Variants in PACRG observed in about 807,000 individuals in gnomAD.
The protein encoded by PACRG is parkin coregulated gene protein.
In PACRG, 29 loss-of-function variants were observed where a neutral mutation model predicts 29.7. The ratio of observed to expected loss-of-function variants is 0.98; its 90% CI spans 0.73 to 1.33. The LOEUF (loss-of-function observed/expected upper bound fraction) is 1.33, where lower values mean the gene tolerates loss of function less well. Among genes scored for constraint, PACRG ranks in the 40% most tolerant of loss-of-function variants. The probability of loss-of-function intolerance (pLI) is 0.00; values close to 1 mark genes in which losing one functional copy is unlikely to be tolerated. For missense variants in PACRG, 279 were observed against 316.2 expected, an observed-to-expected ratio of 0.88 and a Z score of 0.89; for synonymous variants, 116 against 118.7, an observed-to-expected ratio of 0.98 and a Z score of 0.15.
chr6:163,016,585 T>G (rs1376795172), intron 2 of PACRG, among the ~76,000 whole-genome samples: 1 of 152,122 alleles, frequency 6.6e-6, no homozygotes, highest in East Asian at 1.9e-4. Flanking sequence ...TGGCTTCCCA[T>G]TAATTAATGG....
intron 4 of PACRG, among the ~76,000 whole-genome samples, chr6:163,194,942 G>GATATTTGGGGCTCTTC (rs1780380433): frequency 6.6e-6 from 1 of 152,010 alleles, no homozygotes; most frequent in African/African-American, 2.4e-5. Context: ...GCAGGCATCA[G>GATATTTGGGGCTCTTC]ATATTTGGGG....
chr6:163,277,109 T>G (rs993359695), intron 4 of PACRG, among the ~76,000 whole-genome samples: 5 of 148,686 alleles, frequency 3.4e-5, no homozygotes, highest in Non-Finnish European at 1.5e-5. Context: ...TGTTTTACAA[T>G]TTTTTTTATT....
intron 1 of PACRG, among the ~76,000 whole-genome samples, chr6:162,790,669 T>A (rs549733626): frequency 6.6e-6 from 1 of 152,184 alleles, no homozygotes; most frequent in Admixed American, 6.5e-5. Context: ...TAAACCTGAT[T>A]TTCCCTCTGC....
intron 1 of PACRG, among the ~76,000 whole-genome samples, chr6:162,769,935 TG>T (rs1178731355): frequency 1.3e-5 from 2 of 152,120 alleles, no homozygotes; most frequent in Non-Finnish European, 2.9e-5. Flanking sequence ...ATTTTTCAGA[TG>T]TTTTTCTTGA....
intron 2 of PACRG, among the ~76,000 whole-genome samples, chr6:162,983,162 T>C (rs188401334): frequency 1.3e-5 from 2 of 152,124 alleles, no homozygotes; most frequent in Admixed American, 1.3e-4. Context: ...TGGAATATCA[T>C]TTTGCACTCC....
chr6:163,257,492 C>G (rs1028346381), intron 4 of PACRG, among the ~76,000 whole-genome samples: 1 of 152,200 alleles, frequency 6.6e-6, no homozygotes, highest in African/African-American at 2.4e-5. Context: ...ATTCTGATCC[C>G]TTAGTCAGTT....
At chr6:162,818,860 G>A (rs528277963) in intron 2 of PACRG, among the ~76,000 whole-genome samples, 3 of 152,268 alleles carry the variant, frequency 2.0e-5, no homozygotes, top group Admixed American at 6.5e-5. Context: ...TGAATAGGAC[G>A]TAGATAAACC....
At chr6:163,011,480 C>T (rs1258478956) in intron 2 of PACRG, among the ~76,000 whole-genome samples, 1 of 152,160 alleles carries the variant, frequency 6.6e-6, no homozygotes, top group Admixed American at 6.5e-5. Context: ...GGGCATTTGC[C>T]ATAAGGCTTA....
chr6:163,282,426 C>G (rs1784252395), intron 4 of PACRG, among the ~76,000 whole-genome samples: 4 of 152,250 alleles, frequency 2.6e-5, no homozygotes, highest in Admixed American at 6.5e-5. Context: ...AGAAATTCAT[C>G]TGGGCCAGGT....
chr6:163,271,742 TC>T (rs2128180339), intron 4 of PACRG, among the ~76,000 whole-genome samples: 1 of 152,358 alleles, frequency 6.6e-6, no homozygotes, highest in African/African-American at 2.4e-5. Context: ...TAAAGAATGT[TC>T]CTGGCAATTG....
At chr6:162,912,646 A>T (rs1215393080) in intron 2 of PACRG, among the ~76,000 whole-genome samples, 1 of 148,822 alleles carries the variant, frequency 6.7e-6, no homozygotes, top group Non-Finnish European at 1.5e-5. Context: ...ATCTCAGCTC[A>T]GTGCAACCTC....
chr6:162,781,499 A>G (rs753103189), intron 1 of PACRG, among the ~76,000 whole-genome samples: 1 of 151,956 alleles, frequency 6.6e-6, no homozygotes, highest in Non-Finnish European at 1.5e-5. Flanking sequence ...TATTATTTTA[A>G]TATCCAATAT....
At chr6:162,878,273 A>G (rs1001719934) in intron 2 of PACRG, among the ~76,000 whole-genome samples, 5 of 152,236 alleles carry the variant, frequency 3.3e-5, no homozygotes, top group African/African-American at 9.6e-5. Context: ...ATATTAAATT[A>G]TAACAACAGT....
At chr6:163,088,673 G>A (rs1300181171) in intron 3 of PACRG, among the ~76,000 whole-genome samples, 1 of 151,934 alleles carries the variant, frequency 6.6e-6, no homozygotes, top group Non-Finnish European at 1.5e-5. Context: ...CTTATGTGTT[G>A]TTTCCTTCTA....
chr6:162,985,478 AG>A (rs1489520385), intron 2 of PACRG, among the ~76,000 whole-genome samples: 1 of 152,156 alleles, frequency 6.6e-6, no homozygotes, highest in Non-Finnish European at 1.5e-5. Context: ...CAATAGATGC[AG>A]AAAAAGCTTT....
chr6:162,759,769 T>A (rs1469505497), intron 1 of PACRG, among the ~76,000 whole-genome samples: 1 of 152,188 alleles, frequency 6.6e-6, no homozygotes, highest in Non-Finnish European at 1.5e-5. Context: ...CTATTATTTT[T>A]GCTGTTAATA....
chr6:163,268,800 C>A (rs1451232277), intron 4 of PACRG, among the ~76,000 whole-genome samples: 1 of 152,114 alleles, frequency 6.6e-6, no homozygotes, highest in African/African-American at 2.4e-5. Context: ...GTTTTTCTTT[C>A]TTTGAGTGGC....
At chr6:163,129,093 G>A (rs1443634076) in intron 4 of PACRG, among the ~76,000 whole-genome samples, 1 of 152,156 alleles carries the variant, frequency 6.6e-6, no homozygotes, top group African/African-American at 2.4e-5. Flanking sequence ...ATGTGTCCAT[G>A]TACACACTGG....
At chr6:162,770,208 T>C (rs1277277656) in intron 1 of PACRG, among the ~76,000 whole-genome samples, 1 of 152,182 alleles carries the variant, frequency 6.6e-6, no homozygotes, top group Non-Finnish European at 1.5e-5. Flanking sequence ...CTCAGTGTTA[T>C]ATATTCCACC....
Sources: gnomAD v4.1 joint callset for allele counts (sites outside exome capture counted in the v4.1 genomes callset) on GRCh38, gnomAD v4.1.1 for gene constraint, MANE v1.5 for transcripts, NCBI Gene and HGNC (gene_info 2026-07-23, HGNC 2026-07-21) for gene names.